HCFC1R1: variants seen among roughly 807,000 people sequenced by gnomAD.
HCFC1R1 encodes host cell factor C1 regulator 1, also known as HCF-1 beta-propeller-interacting protein.
In HCFC1R1, 17 loss-of-function variants were observed where a neutral mutation model predicts 13.3. The ratio of observed to expected loss-of-function variants is 1.28; its 90% CI spans 0.87 to 1.91. The LOEUF (loss-of-function observed/expected upper bound fraction) is 1.91, where lower values mean the gene tolerates loss of function less well. Among genes scored for constraint, HCFC1R1 ranks in the 40% most tolerant of loss-of-function variants. The pLI, the probability that HCFC1R1 is intolerant of heterozygous loss-of-function variation, is 0.00. For synonymous variants in HCFC1R1, 87 were observed against 71.1 expected (o/e 1.22, Z -1.12); for missense variants, 218 against 177.9 (o/e 1.23, Z -1.28).
chr16:3,023,691 G>A, intron 1 of HCFC1R1, 156 bp downstream of exon 1: 1 of 1,059,564 alleles, frequency 9.4e-7, no homozygotes, highest in South Asian at 1.6e-5. Flanking sequence ...TACCTCGGAA[G>A]TCTCGACCCT....
intron 3 of HCFC1R1, 61 bp from the exon 4 acceptor site, chr16:3,023,059 A>C: frequency 1.3e-6 from 2 of 1,567,692 alleles, no homozygotes; most frequent in East Asian, 4.6e-5. Context: ...AGCACCTCCC[A>C]CCAGGTCCAG....
chr16:3,024,228 G>C (rs972505568), upstream of HCFC1R1: 9 of 1,511,208 alleles, frequency 6.0e-6, no homozygotes, highest in Non-Finnish European at 7.3e-6. Context: ...CCTTCGCGCC[G>C]AAGGCGGTAG....
Position 3,022,691 on chromosome 16 carries a change from AC to A in HCFC1R1, c.*171del. Reference sequence around the variant, plus strand: ...GGGATGCCTCCCTTCCCATGCTCCCACCCCTCCCATCCCAGAACTCCGTTGG... The same window carrying A: ...GGGATGCCTCCCTTCCCATGCTCCCACCCTCCCATCCCAGAACTCCGTTGG... On this transcript the variant is annotated 3_prime_UTR_variant, in exon 4 of 4. Coordinates refer to ENST00000248089, the MANE Select transcript of HCFC1R1 (RefSeq NM_017885.4). 1 of 488,782 alleles carries A rather than the reference AC, an allele frequency of 2.0e-6. No homozygotes were observed. The highest frequency in any genetic ancestry group is 3.5e-6 in the Non-Finnish European group (1 of 282,220). The allele number at this position is 488,782 out of a possible 1,614,324, so 30.3% of individuals were successfully genotyped here.
Position 3,023,919 on chromosome 16 carries a change from TGCAAGG to T in HCFC1R1, c.17_22del (p.Pro6_Leu7del), listed in dbSNP as rs866744981. The T allele has an allele frequency of 6.4e-7, 1 of 1,556,722 alleles. No individual in the cohort carries two copies. The highest frequency in any genetic ancestry group is 1.4e-5 in the African/African-American group (1 of 73,892). ...CTGGGCCCCTCCCTGGGGGCCTCGC[TGCAAGG>T]GCTGCTGCAGGATCATTGGGTTTTG... On this transcript the variant is annotated inframe_deletion, in exon 1 of 4. Transcript: ENST00000248089.
rs1375147987 is a variant in HCFC1R1 at position 3,023,893 on chromosome 16, G to C, written c.49C>G (p.Arg17Gly). 2 of 1,557,246 alleles carry C rather than the reference G, an allele frequency of 1.3e-6. No homozygotes were observed. The highest frequency in any genetic ancestry group is 1.7e-6 in the Non-Finnish European group (2 of 1,155,366). ...ACCCCCAAGGCGGCCCGCGGGAGGC[G>C]CTGGGCCCCTCCCTGGGGGCCTCGC... ...LQRGPQGGAQ[R>G]LPRAALGVTW... Residue 17 changes from arginine to glycine, a missense_variant, in exon 1 of 4, where the codon CGC (arginine) becomes GGC (glycine). By Grantham distance (125) the Arg-to-Gly change is moderately radical. Transcript: ENST00000248089.
chr16:3,023,892 C>G lies in HCFC1R1; in HGVS notation c.50G>C (p.Arg17Pro), dbSNP rs1457560389. 8 of 1,556,892 alleles carry G rather than the reference C, an allele frequency of 5.1e-6. No homozygotes were observed. The highest frequency in any genetic ancestry group is 6.9e-6 in the Non-Finnish European group (8 of 1,155,272). ...CACCCCCAAGGCGGCCCGCGGGAGGCGCTGGGCCCCTCCCTGGGGGCCTCG... is the reference window on the plus strand; with the variant it reads ...CACCCCCAAGGCGGCCCGCGGGAGGGGCTGGGCCCCTCCCTGGGGGCCTCG... ...LQRGPQGGAQ[R>P]LPRAALGVTW... The change falls in exon 1 of 4, where the codon CGC becomes CCC. Residue 17 changes from arginine to proline, a missense_variant. Arg to Pro is a moderately radical substitution (Grantham distance 103, BLOSUM62 -2). Coordinates refer to ENST00000248089, the MANE Select transcript of HCFC1R1 (RefSeq NM_017885.4).
In HCFC1R1 at chr16:3,023,374, G is replaced by A; in HGVS notation, c.153-13C>T. ...GCGCAGAGGCTCCCTGGGGAGAGAT[G>A]GCAGAGAGGCAGGCTGGGATACTGA... is the stretch of plus-strand genomic sequence containing the variant. On this transcript the variant is annotated splice_polypyrimidine_tract_variant and intron_variant, in intron 2 of 3. Transcript: ENST00000248089. 1 of 1,612,034 alleles carries A rather than the reference G, an allele frequency of 6.2e-7. No individual in the cohort carries two copies. Among genetic ancestry groups the A allele is most frequent in the Non-Finnish European group, 8.5e-7 (1 of 1,178,656 alleles).
chr16:3,023,141 G>C (rs983970761), intron 3 of HCFC1R1, 92 bp downstream of exon 3: 35 of 1,503,080 alleles, frequency 2.3e-5, no homozygotes, highest in South Asian at 7.3e-5. Flanking sequence ...AGGTCAGCTA[G>C]AGCTAAAAAT....
chr16:3,024,043 G>A (rs909651305), upstream of HCFC1R1: 5 of 978,584 alleles, frequency 5.1e-6, no homozygotes, highest in Admixed American at 8.1e-5. Flanking sequence ...GCACAGCCGC[G>A]AGGTTCTGCG....
At chr16:3,023,133 G>T in intron 3 of HCFC1R1, 100 bp downstream of exon 3, 1 of 1,501,626 alleles carries the variant, frequency 6.7e-7, no homozygotes, top group Non-Finnish European at 9.0e-7. Flanking sequence ...CAACCCAGAG[G>T]TCAGCTAGAG....
rs866858634 is a variant in HCFC1R1, at chr16:3,023,878, C to A, written c.64G>T (p.Ala22Ser). The part of the protein sequence containing the change: ...QGGAQRLPRA[A>S]LGVTWGLDAS... ...TCCAGGCCCCAAGTCACCCCCAAGG[C>A]GGCCCGCGGGAGGCGCTGGGCCCCT... Residue 22 changes from alanine to serine, a missense_variant, in exon 1 of 4, where the codon GCC becomes TCC. By Grantham distance (99) the Ala-to-Ser change is moderately conservative (BLOSUM62 1). Coordinates refer to ENST00000248089, the MANE Select transcript of HCFC1R1 (RefSeq NM_017885.4). The A allele has an allele frequency of 6.4e-7, 1 of 1,552,762 alleles. No individual in the cohort carries two copies.
At chr16:3,023,800 A>G in intron 1 of HCFC1R1, 47 bp downstream of exon 1, 1 of 1,412,544 alleles carries the variant, frequency 7.1e-7, no homozygotes. Context: ...ACCCAGCCAA[A>G]GCTCCTGCGG....
At position 3,023,376 on chromosome 16, in the gene HCFC1R1, CAG is replaced by C; in HGVS notation, c.153-17_153-16del. On this transcript the variant is annotated splice_polypyrimidine_tract_variant and intron_variant, in intron 2 of 3. Transcript: ENST00000248089. ...GCAGAGGCTCCCTGGGGAGAGATGGCAGAGAGGCAGGCTGGGATACTGACACA... is the reference window on the plus strand; with the variant it reads ...GCAGAGGCTCCCTGGGGAGAGATGGCAGAGGCAGGCTGGGATACTGACACA... 1 of 1,611,778 alleles carries C rather than the reference CAG, an allele frequency of 6.2e-7. No individual in the cohort carries two copies. Among genetic ancestry groups the C allele is most frequent in the East Asian group, 2.2e-5 (1 of 44,798 alleles).
intron 3 of HCFC1R1, 33 bp from the exon 4 acceptor site, chr16:3,023,031 C>A: frequency 6.3e-7 from 1 of 1,587,156 alleles, no homozygotes; most frequent in African/African-American, 1.4e-5. Context: ...GGGCATGGAG[C>A]TGAGGCTGGC....
At chr16:3,023,578 C>A in intron 1 of HCFC1R1, 48 bp from the exon 2 acceptor site, 1 of 1,515,696 alleles carries the variant, frequency 6.6e-7, no homozygotes, top group South Asian at 1.3e-5. Context: ...TGGCCCCTTC[C>A]CAAGGATCTG....
At chr16:3,023,203 G>A (rs2072660209) in intron 3 of HCFC1R1, 30 bp downstream of exon 3, 1 of 1,536,342 alleles carries the variant, frequency 6.5e-7, no homozygotes. Flanking sequence ...CTGTGATTCT[G>A]CAGAAGGCCT....
At chr16:3,023,951 G>A, upstream of HCFC1R1, 1 of 1,539,854 alleles carries the variant, frequency 6.5e-7, no homozygotes, top group East Asian at 2.4e-5. Context: ...TTGGGTTTTG[G>A]GGTCCTGCGG....
At position 3,022,777 on chromosome 16, in the gene HCFC1R1, G is replaced by T; in HGVS notation, c.*86C>A. 1 of 1,249,786 alleles carries T rather than the reference G, an allele frequency of 8.0e-7. No homozygotes were observed. The highest frequency in any genetic ancestry group is 1.1e-6 in the Non-Finnish European group (1 of 945,562). 77.4% of individuals were successfully genotyped at this position (1,249,786 alleles called of 1,614,324 possible). A position where few individuals can be genotyped will look rare whatever the true frequency, so the allele number is the denominator to read the frequency against. On this transcript the variant is annotated 3_prime_UTR_variant, in exon 4 of 4. Coordinates refer to ENST00000248089, the MANE Select transcript of HCFC1R1 (RefSeq NM_017885.4). ...CCCAGATGCCTACTCTGCAGGAGAG[G>T]GAGGAACCTTGTCCCTTTGCGGGAG...
upstream of HCFC1R1, chr16:3,024,222 C>T: frequency 2.1e-6 from 3 of 1,457,558 alleles, no homozygotes; most frequent in Non-Finnish European, 2.9e-6. Flanking sequence ...CAGCCACCTT[C>T]GCGCCGAAGG....
Sources: allele counts gnomAD v4.1 joint callset, GRCh38; gene constraint gnomAD v4.1.1; transcripts MANE v1.5; gene names NCBI Gene and HGNC (gene_info 2026-07-23, HGNC 2026-07-21).